KCNU1: variants seen among roughly 807,000 people sequenced by gnomAD.
KCNU1 encodes potassium channel subfamily U member 1.
In KCNU1, 93 loss-of-function variants were observed where a neutral mutation model predicts 126.8. The observed-to-expected ratio is 0.73, with a 90% CI of 0.62 to 0.87. The LOEUF (loss-of-function observed/expected upper bound fraction) is 0.87. Ranked by LOEUF, KCNU1 falls within the 40% of genes least tolerant of loss-of-function variation. KCNU1 has a pLI of 0.00. For missense variants in KCNU1, 1,330 were observed against 1,367.1 expected, an observed-to-expected ratio of 0.97 and a Z score of 0.43; for synonymous variants, 523 against 494.2, an observed-to-expected ratio of 1.06 and a Z score of -0.77.
chr8:36,931,218 A>G, intron 25 of KCNU1, 73 bp downstream of exon 25: 1 of 1,046,194 alleles, frequency 9.6e-7, no homozygotes, highest in Non-Finnish European at 1.4e-6. Flanking sequence ...GGTCCAGGCT[A>G]TTTGGGTTCA....
chr8:36,880,705 G>A (rs1806444871), intron 19 of KCNU1, among the ~76,000 whole-genome samples: 1 of 152,152 alleles, frequency 6.6e-6, no homozygotes, highest in Non-Finnish European at 1.5e-5. Context: ...TGAGGTGGCT[G>A]TATCTGGCAC....
chr8:36,822,044 C>G (rs1242748751), intron 10 of KCNU1, among the ~76,000 whole-genome samples: 1 of 152,070 alleles, frequency 6.6e-6, no homozygotes, highest in Non-Finnish European at 1.5e-5. Context: ...TTCTGCTCCT[C>G]CTACCAAAAG....
chr8:36,856,476 C>T (rs982028396), intron 18 of KCNU1, among the ~76,000 whole-genome samples: 3 of 152,184 alleles, frequency 2.0e-5, no homozygotes, highest in African/African-American at 7.2e-5. Flanking sequence ...CTTGGCTGAA[C>T]TGTTTTATAA....
At chr8:36,832,426 T>C (rs1477815414) in intron 10 of KCNU1, among the ~76,000 whole-genome samples, 2 of 152,154 alleles carry the variant, frequency 1.3e-5, no homozygotes, top group Non-Finnish European at 2.9e-5. Context: ...TTTAACAGTT[T>C]AGGCTTTTTA....
chr8:36,897,001 G>A (rs943162253), intron 19 of KCNU1, among the ~76,000 whole-genome samples: 41 of 152,016 alleles, frequency 2.7e-4, no homozygotes, highest in African/African-American at 8.4e-4. Context: ...AGTAAAGAGA[G>A]ATGCATGTGC....
intron 20 of KCNU1, among the ~76,000 whole-genome samples, chr8:36,906,329 G>A (rs905347182): frequency 6.6e-6 from 1 of 152,006 alleles, no homozygotes; most frequent in African/African-American, 2.4e-5. Context: ...CGTACAACCG[G>A]GGTGAATCTT....
intron 19 of KCNU1, among the ~76,000 whole-genome samples, chr8:36,879,126 T>G (rs2117390042): frequency 6.8e-6 from 1 of 146,428 alleles, no homozygotes; most frequent in African/African-American, 2.5e-5. Flanking sequence ...TAATAAGGCT[T>G]GGAAACTTAG....
At chr8:36,786,951 C>T (rs1221070057) in intron 1 of KCNU1, among the ~76,000 whole-genome samples, 2 of 152,110 alleles carry the variant, frequency 1.3e-5, no homozygotes, top group Admixed American at 6.5e-5. Context: ...GTCCACGTAT[C>T]TTGATGAAAA....
At chr8:36,796,149 C>T (rs1585382392) in intron 2 of KCNU1, among the ~76,000 whole-genome samples, 1 of 152,154 alleles carries the variant, frequency 6.6e-6, no homozygotes, top group Non-Finnish European at 1.5e-5. Context: ...GATACATTAT[C>T]TATTTAGAGA....
rs79444019 is a variant in KCNU1, at chr8:36,815,701, T to A, written c.995+14T>A. The A allele has an allele frequency of 0.013, 18,707 of 1,396,762 alleles. 1,503 individuals are homozygous for A. The East Asian group carries it at 0.24, about 18-fold the overall frequency. The allele number at this position is 1,396,762 out of a possible 1,614,324, so 86.5% of individuals were successfully genotyped here. The stretch of plus-strand genomic sequence containing the variant: ...CAAAGGAAAGAAGTAAGTAGTGTTT[T>A]AAGTATAATTTCTACAGTTTAAGAA... On this transcript the variant is annotated intron_variant, in intron 9 of 26. Coordinates refer to ENST00000399881, the MANE Select transcript of KCNU1 (RefSeq NM_001031836.3).
At chr8:36,787,534 C>T (rs1358935539) in intron 2 of KCNU1, 109 bp downstream of exon 2, 8 of 1,065,938 alleles carry the variant, frequency 7.5e-6, no homozygotes, top group Non-Finnish European at 9.1e-6. Context: ...TTCCTTTGGT[C>T]GTCTTATCTA....
At chr8:36,844,393 A>C (rs1046015701) in intron 16 of KCNU1, among the ~76,000 whole-genome samples, 8 of 141,534 alleles carry the variant, frequency 5.7e-5, no homozygotes, top group South Asian at 2.3e-4. Context: ...AAAAAAACAA[A>C]AAAAAAAGGC....
chr8:36,829,564 T>C (rs185949575), intron 10 of KCNU1, among the ~76,000 whole-genome samples: 1 of 150,700 alleles, frequency 6.6e-6, no homozygotes, highest in East Asian at 2.1e-4. Context: ...CAAGTCTTTT[T>C]ACCTTTTATT....
chr8:36,833,314 A>T (rs74731597), intron 10 of KCNU1, among the ~76,000 whole-genome samples: 1,729 of 152,268 alleles, frequency 0.011, 33 homozygotes, highest in African/African-American at 0.039. Context: ...CCATTTTATT[A>T]AATGCATAGT....
At chr8:36,874,496 C>G (rs1293672849) in intron 19 of KCNU1, among the ~76,000 whole-genome samples, 1 of 152,086 alleles carries the variant, frequency 6.6e-6, no homozygotes, top group African/African-American at 2.4e-5. Flanking sequence ...TACAGAGTGG[C>G]AGGACATTCA....
intron 24 of KCNU1, among the ~76,000 whole-genome samples, chr8:36,924,570 C>A (rs1808473837): frequency 6.6e-6 from 1 of 152,134 alleles, no homozygotes; most frequent in South Asian, 2.1e-4. Flanking sequence ...AAGTGCAAGG[C>A]TCCTAAAGAG....
At chr8:36,921,838 A>G (rs1370535351) in intron 23 of KCNU1, among the ~76,000 whole-genome samples, 1 of 152,008 alleles carries the variant, frequency 6.6e-6, no homozygotes, top group Non-Finnish European at 1.5e-5. Context: ...TACTGGCCTC[A>G]GTTAGGATGA....
At chr8:36,858,666 T>C (rs1189468734) in intron 18 of KCNU1, among the ~76,000 whole-genome samples, 1 of 152,222 alleles carries the variant, frequency 6.6e-6, no homozygotes, top group African/African-American at 2.4e-5. Flanking sequence ...CATCCCTTTT[T>C]AGCTGACTTT....
At chr8:36,932,725 C>T (rs1808736889) in intron 25 of KCNU1, among the ~76,000 whole-genome samples, 195 bp from the exon 26 acceptor site, 1 of 152,080 alleles carries the variant, frequency 6.6e-6, no homozygotes, top group African/African-American at 2.4e-5. Flanking sequence ...ATGATAAAAA[C>T]CATCACTGGG....
Sources: allele counts gnomAD v4.1 joint callset (sites outside exome capture counted in the v4.1 genomes callset), GRCh38; gene constraint gnomAD v4.1.1; transcripts MANE v1.5; gene names NCBI Gene and HGNC (gene_info 2026-07-23, HGNC 2026-07-21).